Variants in NBEAL1 observed in about 807,000 individuals in gnomAD.
The protein encoded by NBEAL1 is neurobeachin like 1, also known as neurobeachin-like protein 1.
In NBEAL1, 273 loss-of-function variants were observed where a neutral mutation model predicts 351.3. That is an observed-to-expected ratio of 0.78 (90% CI 0.70 to 0.86). The LOEUF (loss-of-function observed/expected upper bound fraction) is 0.86. Ranked by LOEUF, NBEAL1 falls within the 40% of genes least tolerant of loss-of-function variation. The pLI, the probability that NBEAL1 is intolerant of heterozygous loss-of-function variation, is 0.00. For synonymous variants in NBEAL1, 1,050 were observed against 1,086.4 expected (o/e 0.97, Z 0.66); for missense variants, 2,961 against 3,201.3 (o/e 0.92, Z 1.81).
intron 42 of NBEAL1, among the ~76,000 whole-genome samples, chr2:203,177,504 A>G (rs2106429931): frequency 6.6e-6 from 1 of 152,314 alleles, no homozygotes; most frequent in African/African-American, 2.4e-5. Context: ...TTCAGTAAAC[A>G]CATGAAAAGA....
intron 2 of NBEAL1, among the ~76,000 whole-genome samples, chr2:203,036,313 T>G (rs191099926): frequency 1.3e-5 from 2 of 149,344 alleles, no homozygotes; most frequent in Admixed American, 6.7e-5. Flanking sequence ...GTGGCTTTTT[T>G]TGTGTGTTAA....
chr2:203,163,686 GTTCT>G (rs1170460386), intron 36 of NBEAL1, among the ~76,000 whole-genome samples: 2 of 152,022 alleles, frequency 1.3e-5, no homozygotes, highest in Non-Finnish European at 2.9e-5. Flanking sequence ...GTTGTTCCCA[GTTCT>G]TTTCACTCAG....
chr2:203,042,072 C>T (rs1000615353), intron 3 of NBEAL1, among the ~76,000 whole-genome samples: 1 of 152,190 alleles, frequency 6.6e-6, no homozygotes, highest in East Asian at 1.9e-4. Flanking sequence ...TAGGACACTA[C>T]CAGCTGGTGT....
chr2:203,161,156 T>C (rs1379929140), intron 36 of NBEAL1, among the ~76,000 whole-genome samples: 1 of 151,630 alleles, frequency 6.6e-6, no homozygotes, highest in Non-Finnish European at 1.5e-5. Flanking sequence ...TGAAACCCTG[T>C]CTCTACTAAA....
chr2:203,171,661 T>C (rs2064321845), intron 39 of NBEAL1, among the ~76,000 whole-genome samples: 1 of 123,898 alleles, frequency 8.1e-6, no homozygotes, highest in Non-Finnish European at 1.7e-5. Context: ...AAACATGTAA[T>C]TGAAGAAAAG....
At position 203,073,984 on chromosome 2, in the gene NBEAL1, C is replaced by T. The variant is rs1157012187; in HGVS notation, c.599-3768C>T. On this transcript the variant is annotated intron_variant, in intron 7 of 55. Coordinates refer to ENST00000683969, the MANE Select transcript of NBEAL1 (RefSeq NM_001378026.1). ...TTGGGGAAATGTTGGTCAAAGCATA[C>T]AAAATTTCGGTTAGGAAGAATAAAT... 2.0e-5 allele frequency among the ~76,000 whole-genome samples: 3 copies of T among 152,154 alleles called. No individual in the cohort carries two copies. The East Asian group carries it at 5.8e-4, about 29-fold the overall frequency.
chr2:203,062,196 T>C lies in NBEAL1; in HGVS notation c.515+4743T>C. The C allele has an allele frequency of 2.2e-6, 1 of 452,570 alleles. No individual in the cohort carries two copies. Among genetic ancestry groups the C allele is most frequent in the Non-Finnish European group, 4.4e-6 (1 of 225,394 alleles). 28.0% of individuals were successfully genotyped at this position (452,570 alleles called of 1,614,324 possible). A position where few individuals can be genotyped will look rare whatever the true frequency, so the allele number is the denominator to read the frequency against. ...GACTATTTTGTTTACCTTCACACAG[T>C]CTCTCTACCATATGACTTACATTTC... is the stretch of plus-strand genomic sequence containing the variant. On this transcript the variant is annotated intron_variant, in intron 6 of 55. Coordinates refer to ENST00000683969, the MANE Select transcript of NBEAL1 (RefSeq NM_001378026.1). The surrounding 1 kb of genome is among the most constrained non-coding windows in gnomAD (Gnocchi z 4.2).
Position 203,220,388 on chromosome 2 carries a change from G to A in NBEAL1, c.*3034G>A, listed in dbSNP as rs954057295. On this transcript the variant is annotated 3_prime_UTR_variant, in exon 56 of 56. Coordinates refer to ENST00000683969, the MANE Select transcript of NBEAL1 (RefSeq NM_001378026.1). ...AGTCCCAGCTACTCAGGAGGCTGAG[G>A]CAGGAGAATCGCTTGAACCCAGGAG... Among the ~76,000 whole-genome samples the A allele has an allele frequency of 6.6e-6, 1 of 152,002 alleles. No individual in the cohort carries two copies. Among genetic ancestry groups the A allele is most frequent in the African/African-American group, 2.4e-5 (1 of 41,364 alleles).
At chr2:203,189,615 G>C (rs1477873023) in intron 45 of NBEAL1, among the ~76,000 whole-genome samples, 1 of 151,894 alleles carries the variant, frequency 6.6e-6, no homozygotes, top group Admixed American at 6.6e-5. Context: ...TCAAACTCCA[G>C]GTCTCAAGCA....
At chr2:203,162,836 C>T (rs1371227702) in intron 36 of NBEAL1, among the ~76,000 whole-genome samples, 1 of 151,912 alleles carries the variant, frequency 6.6e-6, no homozygotes, top group Non-Finnish European at 1.5e-5. Flanking sequence ...AGAGCAGTGA[C>T]CAAGTCTCAC....
intron 10 of NBEAL1, among the ~76,000 whole-genome samples, chr2:203,096,153 G>A (rs2062179265): frequency 6.6e-6 from 1 of 152,092 alleles, no homozygotes; most frequent in African/African-American, 2.4e-5. Flanking sequence ...TATTTGATGA[G>A]GTATTTTTCT....
chr2:203,118,694 C>T (rs1030802087), intron 18 of NBEAL1, among the ~76,000 whole-genome samples: 18 of 151,652 alleles, frequency 1.2e-4, no homozygotes, highest in African/African-American at 3.6e-4. Context: ...CAGGTTCAAG[C>T]GATTCTCTTG....
chr2:203,093,058 C>A (rs935300989), intron 10 of NBEAL1, among the ~76,000 whole-genome samples: 22 of 151,662 alleles, frequency 1.5e-4, no homozygotes, highest in African/African-American at 4.6e-4. Context: ...CAGTGAAACC[C>A]CGTCTCTACT....
chr2:203,174,305 A>T (rs1457867710), intron 41 of NBEAL1, among the ~76,000 whole-genome samples: 2 of 151,524 alleles, frequency 1.3e-5, no homozygotes, highest in Non-Finnish European at 2.9e-5. Flanking sequence ...GTACATCTAT[A>T]CAGTATTATG....
At chr2:203,109,804 G>A (rs1383075016) in intron 14 of NBEAL1, among the ~76,000 whole-genome samples, 1 of 152,202 alleles carries the variant, frequency 6.6e-6, no homozygotes, top group African/African-American at 2.4e-5. Flanking sequence ...ACAGGCATGA[G>A]CCACCGCGCC....
In NBEAL1 at chr2:203,225,042, A is replaced by C. The variant is rs1279183736; in HGVS notation, c.*7688A>C. The stretch of plus-strand genomic sequence containing the variant: ...GATTTGTTTCTGTATAGCATGATTA[A>C]AGATAATTGAAAATTTTGCACTTAT... On this transcript the variant is annotated 3_prime_UTR_variant, in exon 56 of 56. Transcript: ENST00000683969. Among the ~76,000 whole-genome samples the C allele has an allele frequency of 1.3e-5, 2 of 152,202 alleles. No homozygotes were observed. The highest frequency in any genetic ancestry group is 2.9e-5 in the Non-Finnish European group (2 of 68,026).
chr2:203,095,485 G>A (rs946296168), intron 10 of NBEAL1, among the ~76,000 whole-genome samples: 2 of 151,984 alleles, frequency 1.3e-5, no homozygotes, highest in Non-Finnish European at 2.9e-5. Flanking sequence ...GTGGAGACGG[G>A]GTTTCCCCAT....
chr2:203,188,975 T>C (rs1374144225), intron 45 of NBEAL1, among the ~76,000 whole-genome samples: 3 of 152,248 alleles, frequency 2.0e-5, no homozygotes, highest in African/African-American at 7.2e-5. Flanking sequence ...TATCTTCTGA[T>C]GGCCTTAAAA....
intron 45 of NBEAL1, among the ~76,000 whole-genome samples, chr2:203,189,633 C>T (rs1159096994): frequency 3.9e-5 from 6 of 151,960 alleles, no homozygotes; most frequent in African/African-American, 1.2e-4. Context: ...GCAGTCCTCC[C>T]GCCTCAGCCT....
Sources: gnomAD v4.1 joint callset for allele counts (sites outside exome capture counted in the v4.1 genomes callset) on GRCh38, gnomAD v4.1.1 for gene constraint, Gnocchi (gnomAD v3.1) non-coding constraint, MANE v1.5 for transcripts, NCBI Gene and HGNC (gene_info 2026-07-23, HGNC 2026-07-21) for gene names.